Variants in NELL1 observed in about 807,000 individuals in gnomAD.
NELL1 encodes neural EGFL like 1, also known as protein kinase C-binding protein NELL1.
A neutral mutation model predicts 107.4 loss-of-function variants in NELL1; 76 were observed. That is an observed-to-expected ratio of 0.71 (90% CI 0.59 to 0.86). The LOEUF (loss-of-function observed/expected upper bound fraction) is 0.86, where lower values mean the gene tolerates loss of function less well. NELL1 is among the 40% of genes least tolerant of loss of function. The pLI is 0.00. For missense variants in NELL1, 1,024 were observed against 1,005.5 expected, an observed-to-expected ratio of 1.02 and a Z score of -0.25; for synonymous variants, 353 against 341.2, an observed-to-expected ratio of 1.03 and a Z score of -0.38.
intron 12 of NELL1, among the ~76,000 whole-genome samples, chr11:21,013,789 A>G (rs1590540515): frequency 6.6e-6 from 1 of 152,038 alleles, no homozygotes; most frequent in East Asian, 1.9e-4. Context: ...GTTTTTGCCT[A>G]TTGTCCTTTA....
chr11:20,691,515 G>T (rs1854465669), intron 2 of NELL1, among the ~76,000 whole-genome samples: 2 of 152,024 alleles, frequency 1.3e-5, no homozygotes, highest in South Asian at 4.1e-4. Context: ...TTTTGTTGAA[G>T]GCCTTTTTTG....
At chr11:20,992,553 C>G (rs1851998731) in intron 12 of NELL1, among the ~76,000 whole-genome samples, 1 of 152,090 alleles carries the variant, frequency 6.6e-6, no homozygotes, top group South Asian at 2.1e-4. Flanking sequence ...AGTCTGTAGC[C>G]TTGGGAGAGT....
In NELL1 at chr11:20,950,081, G is replaced by A. The variant is rs535962675; in HGVS notation, c.1171+2646G>A. ...CGGGAGGTAGGTGAATTAACCATTT[G>A]GATTTCTTCTATATTACTCCCATCT... On this transcript the variant is annotated intron_variant, in intron 11 of 19. Coordinates refer to ENST00000357134, the MANE Select transcript of NELL1 (RefSeq NM_006157.5). 5.1e-4 allele frequency among the ~76,000 whole-genome samples: 78 copies of A among 152,246 alleles called. 1 individual carries two copies. The highest frequency in any genetic ancestry group is 1.8e-3 in the African/African-American group (76 of 41,568).
intron 15 of NELL1, among the ~76,000 whole-genome samples, chr11:21,507,958 T>C (rs1294227844): frequency 6.6e-6 from 1 of 151,920 alleles, no homozygotes; most frequent in African/African-American, 2.4e-5. Context: ...TTTTTGTATC[T>C]TTAGTAGAGA....
chr11:21,533,994 A>G (rs927117500), intron 15 of NELL1, among the ~76,000 whole-genome samples: 1 of 152,194 alleles, frequency 6.6e-6, no homozygotes, highest in African/African-American at 2.4e-5. Context: ...AAAAATTTTC[A>G]AAGGACACAC....
chr11:20,981,142 C>T (rs575835866), intron 12 of NELL1, among the ~76,000 whole-genome samples: 28 of 152,226 alleles, frequency 1.8e-4, no homozygotes, highest in African/African-American at 6.0e-4. Context: ...ATGTGGAATC[C>T]ACCATGCAAG....
chr11:20,785,395 A>G (rs1020041505), intron 3 of NELL1, among the ~76,000 whole-genome samples: 2 of 152,242 alleles, frequency 1.3e-5, no homozygotes, highest in Non-Finnish European at 1.5e-5. Flanking sequence ...GGTGTTCTGT[A>G]TGCTGGAGAA....
At chr11:21,505,102 G>A (rs995991659) in intron 15 of NELL1, among the ~76,000 whole-genome samples, 17 of 152,154 alleles carry the variant, frequency 1.1e-4, no homozygotes, top group African/African-American at 3.6e-4. Flanking sequence ...TGTGAAGCCC[G>A]GAATGGCATA....
chr11:20,947,463 G>T (rs762868130), intron 11 of NELL1, 28 bp downstream of exon 11: 1 of 1,535,746 alleles, frequency 6.5e-7, no homozygotes. Context: ...TGGGCCATGC[G>T]TGGGGTGAGG....
intron 14 of NELL1, among the ~76,000 whole-genome samples, chr11:21,238,777 A>C (rs1406891834): frequency 2.6e-5 from 4 of 152,082 alleles, no homozygotes. Flanking sequence ...AGAGAATTCT[A>C]TTATAACCAT....
chr11:21,179,440 A>T (rs1856779845), intron 13 of NELL1, among the ~76,000 whole-genome samples: 2 of 151,886 alleles, frequency 1.3e-5, no homozygotes. Context: ...AGGTTGGCAG[A>T]GGTGGCTGTG....
chr11:21,378,819 G>A (rs56371230), intron 15 of NELL1, among the ~76,000 whole-genome samples: 14,027 of 150,724 alleles, frequency 0.093, 824 homozygotes, highest in South Asian at 0.16. Flanking sequence ...CTGGGTTCAA[G>A]CGATTCTTGT....
At chr11:21,464,951 T>C (rs1448518054) in intron 15 of NELL1, among the ~76,000 whole-genome samples, 2 of 152,120 alleles carry the variant, frequency 1.3e-5, no homozygotes, top group Non-Finnish European at 2.9e-5. Context: ...AAGCAGATAA[T>C]ACTTAGAAAG....
At chr11:20,931,631 G>T (rs1850621095) in intron 9 of NELL1, among the ~76,000 whole-genome samples, 1 of 152,016 alleles carries the variant, frequency 6.6e-6, no homozygotes, top group Non-Finnish European at 1.5e-5. Context: ...ATAACTTATA[G>T]TCAAATCTTG....
At chr11:21,167,598 C>A (rs980199011) in intron 13 of NELL1, among the ~76,000 whole-genome samples, 1 of 151,826 alleles carries the variant, frequency 6.6e-6, no homozygotes, top group Non-Finnish European at 1.5e-5. Flanking sequence ...TGGCAATTGA[C>A]GAATACCTTA....
intron 15 of NELL1, among the ~76,000 whole-genome samples, chr11:21,459,680 C>G (rs996234423): frequency 6.6e-6 from 1 of 151,918 alleles, no homozygotes; most frequent in Non-Finnish European, 1.5e-5. Flanking sequence ...ATGACAGAAA[C>G]CAGAAGCAGA....
At chr11:21,516,935 G>A (rs975553451) in intron 15 of NELL1, among the ~76,000 whole-genome samples, 2 of 151,688 alleles carry the variant, frequency 1.3e-5, no homozygotes, top group East Asian at 1.9e-4. Context: ...CTCCCAGGGC[G>A]CCCACCACCA....
intron 14 of NELL1, among the ~76,000 whole-genome samples, chr11:21,248,424 G>T (rs1171889726): frequency 6.6e-6 from 1 of 152,100 alleles, no homozygotes; most frequent in African/African-American, 2.4e-5. Flanking sequence ...GTATCTGATT[G>T]TAAGTTTGAA....
rs1231849366 is a variant in NELL1 at position 20,900,423 on chromosome 11, A to AC, written c.603+14884dup. The stretch of plus-strand genomic sequence containing the variant: ...GGGATATGCTACAAATTCACATTGC[A>AC]CAAGGTATGGACACAGTGAGGAGCA... On this transcript the variant is annotated intron_variant, in intron 5 of 19. Transcript: ENST00000357134. Among the ~76,000 whole-genome samples the AC allele has an allele frequency of 2.3e-4, 35 of 152,294 alleles. No individual in the cohort carries two copies. The East Asian group carries it at 5.6e-3, about 24-fold the overall frequency.
Sources: gnomAD v4.1 joint callset for allele counts (sites outside exome capture counted in the v4.1 genomes callset) on GRCh38, gnomAD v4.1.1 for gene constraint, MANE v1.5 for transcripts, NCBI Gene and HGNC (gene_info 2026-07-23, HGNC 2026-07-21) for gene names.